Variants in CHSY3 observed in about 807,000 individuals in gnomAD.
The protein encoded by CHSY3 is N-acetylgalactosaminyl-proteoglycan 3-beta-glucuronosyltransferase 3.
In CHSY3, 35 loss-of-function variants were observed where a neutral mutation model predicts 67.2. The ratio of observed to expected loss-of-function variants is 0.52; its 90% CI spans 0.40 to 0.69. CHSY3 has a LOEUF of 0.69. CHSY3 is among the 30% of genes least tolerant of loss of function. CHSY3 has a pLI of 0.00. For synonymous variants in CHSY3, 474 were observed against 434.7 expected (o/e 1.09, Z -1.12); for missense variants, 1,069 against 1,138.5 (o/e 0.94, Z 0.88).
At chr5:130,152,690 A>G (rs1653743819) in intron 2 of CHSY3, among the ~76,000 whole-genome samples, 2 of 152,230 alleles carry the variant, frequency 1.3e-5, no homozygotes, top group South Asian at 2.1e-4. Context: ...AACAGATAAG[A>G]GAATCACAGC....
intron 2 of CHSY3, among the ~76,000 whole-genome samples, chr5:129,990,292 G>T (rs901056473): frequency 9.9e-5 from 15 of 151,906 alleles, no homozygotes; most frequent in Admixed American, 6.6e-4. Context: ...AATAGGTTTA[G>T]GATAGGTTTC....
intron 2 of CHSY3, chr5:130,141,301 C>A (rs1768858343): frequency 2.5e-6 from 1 of 405,306 alleles, no homozygotes; most frequent in East Asian, 6.3e-5. Flanking sequence ...CAGACATAGA[C>A]CTCATTACCT....
chr5:130,069,537 A>C (rs1765993258), intron 2 of CHSY3, among the ~76,000 whole-genome samples: 1 of 151,860 alleles, frequency 6.6e-6, no homozygotes, highest in Non-Finnish European at 1.5e-5. Context: ...ACATGGAACA[A>C]TTTTCTCACA....
chr5:129,905,825 C>G, intron 1 of CHSY3, 194 bp downstream of exon 1: 2 of 1,219,256 alleles, frequency 1.6e-6, no homozygotes, highest in Non-Finnish European at 2.2e-6. Context: ...CTTCTGCAAT[C>G]TGGACCCTCC....
intron 2 of CHSY3, among the ~76,000 whole-genome samples, chr5:129,923,653 G>T (rs143353217): frequency 6.6e-6 from 1 of 152,294 alleles, no homozygotes; most frequent in Admixed American, 6.5e-5. Context: ...CTTTTCTGCA[G>T]GAAAGAGTAG....
intron 2 of CHSY3, among the ~76,000 whole-genome samples, chr5:130,178,686 C>G (rs1342420252): frequency 6.6e-6 from 1 of 152,080 alleles, no homozygotes; most frequent in Non-Finnish European, 1.5e-5. Context: ...ATAAACTGCT[C>G]AAGATTGAGC....
chr5:130,045,294 CAAT>C (rs1235028110), intron 2 of CHSY3, among the ~76,000 whole-genome samples: 6 of 152,070 alleles, frequency 3.9e-5, no homozygotes, highest in African/African-American at 1.4e-4. Flanking sequence ...GCTAGTAAAA[CAAT>C]GATGTGCTCA....
rs114688791 is a variant in CHSY3, at chr5:130,040,133, G to C, written c.1086+131773G>C. Among the ~76,000 whole-genome samples the C allele has an allele frequency of 4.1e-3, 622 of 152,156 alleles. 4 individuals carry two copies. Among genetic ancestry groups the C allele is most frequent in the African/African-American group, 0.014 (591 of 41,524 alleles). On this transcript the variant is annotated intron_variant, in intron 2 of 2. Coordinates refer to ENST00000305031, the MANE Select transcript of CHSY3 (RefSeq NM_175856.5). ...CTATTGCTAAGCATCCAGGTACTTG[G>C]GTGCCCATGTGCAAGAGCTCTAGTG... is the stretch of plus-strand genomic sequence containing the variant.
chr5:130,080,240 T>A (rs960627120), intron 2 of CHSY3, among the ~76,000 whole-genome samples: 1 of 152,026 alleles, frequency 6.6e-6, no homozygotes, highest in African/African-American at 2.4e-5. Flanking sequence ...CAATACACAC[T>A]TTCATTATAC....
chr5:130,089,880 C>G (rs1316545690), intron 2 of CHSY3, among the ~76,000 whole-genome samples: 3 of 152,128 alleles, frequency 2.0e-5, no homozygotes, highest in Admixed American at 1.3e-4. Flanking sequence ...AGCATGTGTC[C>G]AGATAACAAC....
intron 2 of CHSY3, among the ~76,000 whole-genome samples, chr5:130,072,637 T>A (rs1209578893): frequency 6.6e-6 from 1 of 152,138 alleles, no homozygotes; most frequent in Non-Finnish European, 1.5e-5. Flanking sequence ...TTGCTTTGGC[T>A]ATTTGGGGTC....
At chr5:130,089,002 GA>G (rs1490651094) in intron 2 of CHSY3, among the ~76,000 whole-genome samples, 2 of 151,948 alleles carry the variant, frequency 1.3e-5, no homozygotes, top group African/African-American at 4.8e-5. Context: ...ACTGGATTAA[GA>G]AAATGTGGCA....
At chr5:130,002,789 A>T (rs1306685302) in intron 2 of CHSY3, among the ~76,000 whole-genome samples, 1 of 152,174 alleles carries the variant, frequency 6.6e-6, no homozygotes, top group Non-Finnish European at 1.5e-5. Context: ...ATATTATTTT[A>T]AAAAAATAAT....
At chr5:130,148,754 T>G (rs912338685) in intron 2 of CHSY3, among the ~76,000 whole-genome samples, 1 of 152,194 alleles carries the variant, frequency 6.6e-6, no homozygotes, top group African/African-American at 2.4e-5. Context: ...TTTTTGTTTT[T>G]TTATTGTAAA....
intron 2 of CHSY3, among the ~76,000 whole-genome samples, chr5:130,178,412 C>T (rs1345846325): frequency 6.6e-6 from 1 of 151,122 alleles, no homozygotes; most frequent in Non-Finnish European, 1.5e-5. Flanking sequence ...ACCACCACGC[C>T]TGGCTAATTT....
intron 1 of CHSY3, among the ~76,000 whole-genome samples, chr5:129,906,294 TC>T (rs1760296206): frequency 6.6e-6 from 1 of 150,978 alleles, no homozygotes; most frequent in Non-Finnish European, 1.5e-5. Flanking sequence ...CACCAAGCCG[TC>T]CCCCATCCCC....
chr5:130,056,918 C>CTTTTTTTTTTTTTTTTTTTTTTT (rs58326964), intron 2 of CHSY3, among the ~76,000 whole-genome samples: 1 of 56,128 alleles, frequency 1.8e-5, no homozygotes, highest in Non-Finnish European at 3.3e-5. Context: ...GCATTTCTTT[C>CTTTTTTTTTTTTTTTTTTTTTTT]TTTTTTTTTT....
At chr5:130,110,183 C>G (rs1767546740) in intron 2 of CHSY3, among the ~76,000 whole-genome samples, 1 of 151,738 alleles carries the variant, frequency 6.6e-6, no homozygotes, top group Non-Finnish European at 1.5e-5. Context: ...GTAGTGACTT[C>G]AGAAATGAGC....
At chr5:130,091,146 G>GCGCGCGCA (rs1554082166) in intron 2 of CHSY3, among the ~76,000 whole-genome samples, 12 of 149,550 alleles carry the variant, frequency 8.0e-5, no homozygotes, top group African/African-American at 3.0e-4. Context: ...GCACACGCGC[G>GCGCGCGCA]CACACACACA....
Sources: gnomAD v4.1 joint callset for allele counts (sites outside exome capture counted in the v4.1 genomes callset) on GRCh38, gnomAD v4.1.1 for gene constraint, MANE v1.5 for transcripts, NCBI Gene and HGNC (gene_info 2026-07-23, HGNC 2026-07-21) for gene names.